Variants in SP140 observed in about 807,000 individuals in gnomAD.
SP140 encodes nuclear body protein SP140.
Under a neutral mutation model 125.0 loss-of-function variants are expected in SP140, and 81 were observed. The observed-to-expected ratio is 0.65, with a 90% CI of 0.54 to 0.78. SP140 has a LOEUF of 0.78. SP140 is among the 30% of genes least tolerant of loss of function. SP140 has a pLI of 0.00. For missense variants in SP140, 858 were observed against 1,037.0 expected, an observed-to-expected ratio of 0.83 and a Z score of 2.37; for synonymous variants, 312 against 354.0, an observed-to-expected ratio of 0.88 and a Z score of 1.33.
chr2:230,312,122 C>T (rs527791462), intron 26 of SP140, among the ~76,000 whole-genome samples: 1 of 152,260 alleles, frequency 6.6e-6, no homozygotes, highest in African/African-American at 2.4e-5. Context: ...AATAAGCAAC[C>T]AAAGGCAAAG....
At chr2:230,262,941 G>A (rs188757077) in intron 12 of SP140, among the ~76,000 whole-genome samples, 1 of 152,186 alleles carries the variant, frequency 6.6e-6, no homozygotes, top group East Asian at 1.9e-4. Context: ...TGTGGTTGTT[G>A]GATGAAATGT....
intron 3 of SP140, among the ~76,000 whole-genome samples, chr2:230,218,400 T>C (rs2045463654): frequency 6.6e-6 from 1 of 152,090 alleles, no homozygotes. Flanking sequence ...AAGATGCCAT[T>C]GAGAGTCTGT....
intron 22 of SP140, among the ~76,000 whole-genome samples, chr2:230,301,492 A>C (rs1575325606): frequency 6.6e-6 from 1 of 152,352 alleles, no homozygotes; most frequent in East Asian, 1.9e-4. Flanking sequence ...TAGCCTCCTT[A>C]AACAAAATAA....
chr2:230,255,860 A>ATAAGATCTCTCGATCT (rs555764039), intron 12 of SP140, among the ~76,000 whole-genome samples: 78 of 152,338 alleles, frequency 5.1e-4, no homozygotes, highest in African/African-American at 1.8e-3. Context: ...CAGTATTAAA[A>ATAAGATCTCTCGATCT]TATTTTACCA....
intron 22 of SP140, among the ~76,000 whole-genome samples, chr2:230,304,440 A>G (rs1219012315): frequency 1.3e-5 from 2 of 152,240 alleles, no homozygotes; most frequent in African/African-American, 4.8e-5. Flanking sequence ...GAGCTCATGT[A>G]GCCAAAGCAA....
At chr2:230,219,111 G>C (rs2045558663) in intron 3 of SP140, among the ~76,000 whole-genome samples, 1 of 152,204 alleles carries the variant, frequency 6.6e-6, no homozygotes, top group Non-Finnish European at 1.5e-5. Flanking sequence ...TGTAGTCCCA[G>C]TTACTCAGGA....
At chr2:230,299,518 T>C (rs2149535227) in intron 22 of SP140, among the ~76,000 whole-genome samples, 1 of 152,316 alleles carries the variant, frequency 6.6e-6, no homozygotes, top group South Asian at 2.1e-4. Flanking sequence ...CAGTACAATT[T>C]GCAGAGAGCC....
At chr2:230,256,836 A>G (rs2051294944) in intron 12 of SP140, among the ~76,000 whole-genome samples, 1 of 152,190 alleles carries the variant, frequency 6.6e-6, no homozygotes, top group African/African-American at 2.4e-5. Context: ...TTGTGAGACT[A>G]AATGGTATTT....
At chr2:230,310,302 C>G (rs1199269853) in intron 23 of SP140, 1 of 513,416 alleles carries the variant, frequency 1.9e-6, no homozygotes, top group Non-Finnish European at 3.5e-6. Context: ...ATTGTCCTTT[C>G]CTTGAAGTTT....
chr2:230,271,338 C>T (rs888661259), intron 15 of SP140, among the ~76,000 whole-genome samples: 2 of 152,084 alleles, frequency 1.3e-5, no homozygotes, highest in African/African-American at 4.8e-5. Context: ...TCGGAAAAGC[C>T]TATATTGCCT....
intron 22 of SP140, among the ~76,000 whole-genome samples, chr2:230,305,732 C>T (rs1388229405): frequency 2.0e-5 from 3 of 152,210 alleles, no homozygotes; most frequent in Non-Finnish European, 2.9e-5. Flanking sequence ...GTGGGAGTGG[C>T]GCCCACTTCC....
chr2:230,244,669 A>C (rs950188620), intron 5 of SP140, among the ~76,000 whole-genome samples: 1 of 152,208 alleles, frequency 6.6e-6, no homozygotes. Flanking sequence ...AGACACAAGT[A>C]GGAAAATGTG....
At chr2:230,269,764 G>T in intron 13 of SP140, 73 bp from the exon 14 acceptor site, 1 of 1,224,570 alleles carries the variant, frequency 8.2e-7, no homozygotes, top group African/African-American at 1.5e-5. Flanking sequence ...AAAGAAGGGG[G>T]AGCAACAAGG....
chr2:230,296,841 C>T (rs1000697958), intron 21 of SP140, among the ~76,000 whole-genome samples: 2 of 152,146 alleles, frequency 1.3e-5, no homozygotes, highest in African/African-American at 4.8e-5. Flanking sequence ...TCTGACTTGG[C>T]CTGTGCAAAC....
At chr2:230,261,395 C>T (rs1338753669) in intron 12 of SP140, among the ~76,000 whole-genome samples, 4 of 152,128 alleles carry the variant, frequency 2.6e-5, no homozygotes, top group Admixed American at 1.3e-4. Context: ...ATATCATCAG[C>T]AAACAGTGAG....
At chr2:230,310,987 A>G in intron 24 of SP140, 136 bp downstream of exon 24, 1 of 790,946 alleles carries the variant, frequency 1.3e-6, no homozygotes. Context: ...ATAGAACACC[A>G]CACCTTGTTT....
At chr2:230,216,020 C>T (rs1202797539) in intron 3 of SP140, among the ~76,000 whole-genome samples, 1 of 152,100 alleles carries the variant, frequency 6.6e-6, no homozygotes, top group African/African-American at 2.4e-5. Flanking sequence ...GTCTAGGGCT[C>T]AATTAATGCT....
At chr2:230,188,840 G>A in the SP140 span, among the ~76,000 whole-genome samples, 1 of 152,044 alleles carries the variant, frequency 6.6e-6, no homozygotes, top group African/African-American at 2.4e-5. Context: ...ACTTGATCAT[G>A]GTGTATTATA....
At chr2:230,274,695 C>A (rs1293169355) in intron 15 of SP140, among the ~76,000 whole-genome samples, 1 of 152,028 alleles carries the variant, frequency 6.6e-6, no homozygotes, top group African/African-American at 2.4e-5. Flanking sequence ...AAAAATTTCA[C>A]CCTATACGGT....
Sources: allele counts gnomAD v4.1 joint callset (sites outside exome capture counted in the v4.1 genomes callset), GRCh38; gene constraint gnomAD v4.1.1; transcripts MANE v1.5; gene names NCBI Gene and HGNC (gene_info 2026-07-23, HGNC 2026-07-21).